CLIC4: variants seen among roughly 807,000 people sequenced by gnomAD.
The protein encoded by CLIC4 is chloride intracellular channel protein 4.
Under a neutral mutation model 24.6 loss-of-function variants are expected in CLIC4, and 13 were observed. That is an observed-to-expected ratio of 0.53 (90% CI 0.34 to 0.84). CLIC4 has a LOEUF of 0.84. Ranked by LOEUF, CLIC4 falls within the 40% of genes least tolerant of loss-of-function variation. CLIC4 has a pLI of 0.01. For missense variants in CLIC4, 227 were observed against 301.7 expected (o/e 0.75, Z 1.83); for synonymous variants, 104 against 111.3 (o/e 0.93, Z 0.41).
At chr1:24,819,986 C>G in intron 3 of CLIC4, among the ~76,000 whole-genome samples, 1 of 144,500 alleles carries the variant, frequency 6.9e-6, no homozygotes, top group Non-Finnish European at 1.5e-5. Context: ...TGTGACCTGC[C>G]CACCTCAGCC....
rs71032865 is a variant in CLIC4, at chr1:24,822,341, C to CTTTTTT, written c.309-4649_309-4644dup. The stretch of plus-strand genomic sequence containing the variant: ...GTTATTAAACTTAATTCAGTGAATT[C>CTTTTTT]TTTTTTTTTTTTTTTTTTTTTTTTT... On this transcript the variant is annotated intron_variant, in intron 3 of 5. Transcript: ENST00000374379. Among the ~76,000 whole-genome samples the CTTTTTT allele has an allele frequency of 1.2e-4, 9 of 75,480 alleles. 1 individual carries two copies. Among genetic ancestry groups the CTTTTTT allele is most frequent in the Admixed American group, 1.9e-4 (1 of 5,148 alleles). 49.5% of individuals were successfully genotyped at this position (75,480 alleles called of 152,430 possible).
At chr1:24,773,862 G>A (rs1639100609) in intron 1 of CLIC4, among the ~76,000 whole-genome samples, 1 of 151,998 alleles carries the variant, frequency 6.6e-6, no homozygotes, top group South Asian at 2.1e-4. Flanking sequence ...GCTTCCCAGA[G>A]TGTTGGGATT....
At chr1:24,783,724 T>C (rs1283573201) in intron 1 of CLIC4, among the ~76,000 whole-genome samples, 1 of 152,024 alleles carries the variant, frequency 6.6e-6, no homozygotes, top group Non-Finnish European at 1.5e-5. Context: ...AAAGAAAAAT[T>C]TGTAATTGTC....
Position 24,827,183 on chromosome 1 carries a change from G to C in CLIC4, c.415+67G>C, listed in dbSNP as rs571396153. On this transcript the variant is annotated intron_variant, in intron 4 of 5. Coordinates refer to ENST00000374379, the MANE Select transcript of CLIC4 (RefSeq NM_013943.3). ...CCAAACAACAACAGGCTGTTATTAT[G>C]ACAGTGATTATAAATGAGTACTTTA... is the stretch of plus-strand genomic sequence containing the variant. The C allele has an allele frequency of 5.2e-5, 50 of 965,810 alleles. No individual in the cohort carries two copies. In the African/African-American group the frequency reaches 7.0e-4, roughly 14 times the overall value. 59.8% of individuals were successfully genotyped at this position (965,810 alleles called of 1,614,324 possible).
chr1:24,747,363 A>G (rs553367330), intron 1 of CLIC4, among the ~76,000 whole-genome samples: 33 of 150,968 alleles, frequency 2.2e-4, no homozygotes, highest in Non-Finnish European at 4.6e-4. Flanking sequence ...GTGAAACCCC[A>G]TCTCTACTAA....
chr1:24,805,107 A>G (rs1054110939), intron 2 of CLIC4, among the ~76,000 whole-genome samples: 2 of 32,466 alleles, frequency 6.2e-5, no homozygotes, highest in African/African-American at 1.5e-4. Context: ...AAAAAAAAAC[A>G]CAAAAACAAA....
chr1:24,841,159 T>G lies in CLIC4; in HGVS notation c.*222T>G. The G allele has an allele frequency of 1.8e-4, 49 of 270,130 alleles. No homozygotes were observed. Among genetic ancestry groups the G allele is most frequent in the East Asian group, 4.4e-4 (7 of 15,994 alleles). The allele number at this position is 270,130 out of a possible 1,614,324, so 16.7% of individuals were successfully genotyped here. A position where few individuals can be genotyped will look rare whatever the true frequency, so the allele number is the denominator to read the frequency against. On this transcript the variant is annotated 3_prime_UTR_variant, in exon 6 of 6. Transcript: ENST00000374379. ...ACCCTGGCTACCTCCCCTACCCGGG[T>G]TCCCCTCTCTTTAATTTGGAGACAC...
intron 1 of CLIC4, among the ~76,000 whole-genome samples, chr1:24,747,678 G>A (rs1638719862): frequency 6.6e-6 from 1 of 152,096 alleles, no homozygotes; most frequent in South Asian, 2.1e-4. Flanking sequence ...CAAAAAAAGT[G>A]CATCCATGAA....
At chr1:24,767,743 T>A (rs536594819) in intron 1 of CLIC4, among the ~76,000 whole-genome samples, 8 of 149,700 alleles carry the variant, frequency 5.3e-5, no homozygotes, top group Admixed American at 5.3e-4. Context: ...CTCTTTTTTG[T>A]TAATGTGAAA....
intron 3 of CLIC4, among the ~76,000 whole-genome samples, chr1:24,823,984 A>G (rs1639762293): frequency 2.0e-5 from 3 of 152,174 alleles, no homozygotes; most frequent in Admixed American, 1.3e-4. Flanking sequence ...GCTCATGTCT[A>G]TTCTGTCATT....
At chr1:24,818,037 CAG>C (rs1639688477) in intron 3 of CLIC4, among the ~76,000 whole-genome samples, 3 of 152,280 alleles carry the variant, frequency 2.0e-5, no homozygotes, top group African/African-American at 7.2e-5. Flanking sequence ...TCACTAATCA[CAG>C]ATCATCATAA....
intron 1 of CLIC4, among the ~76,000 whole-genome samples, chr1:24,776,683 G>A (rs771671635): frequency 1.3e-5 from 2 of 152,158 alleles, no homozygotes; most frequent in South Asian, 4.1e-4. Context: ...GCTCATGCCT[G>A]TAATCCCAGC....
chr1:24,806,979 A>G (rs1639557158), intron 2 of CLIC4, among the ~76,000 whole-genome samples: 1 of 152,022 alleles, frequency 6.6e-6, no homozygotes, highest in Non-Finnish European at 1.5e-5. Context: ...CTGATACGCT[A>G]GTTTTCTCCC....
intron 1 of CLIC4, among the ~76,000 whole-genome samples, chr1:24,756,060 C>T (rs1190691871): frequency 7.1e-6 from 1 of 141,580 alleles, no homozygotes; most frequent in East Asian, 2.1e-4. Flanking sequence ...AGTGCAGTGA[C>T]GCGATCTCTG....
chr1:24,778,523 G>A lies in CLIC4; in HGVS notation c.73-19219G>A, dbSNP rs529593508. 3.3e-5 allele frequency among the ~76,000 whole-genome samples: 5 copies of A among 152,004 alleles called. No individual in the cohort carries two copies. In the South Asian group the frequency reaches 1.0e-3, roughly 32 times the overall value. On this transcript the variant is annotated intron_variant, in intron 1 of 5. Coordinates refer to ENST00000374379, the MANE Select transcript of CLIC4 (RefSeq NM_013943.3). ...CTAGGAAAAAAGGACTGTAGCTTTC[G>A]TCCTTTTTTTTCTTTCTTTCATTTG...
intron 1 of CLIC4, among the ~76,000 whole-genome samples, chr1:24,786,826 G>C (rs1219672591): frequency 6.6e-6 from 1 of 151,898 alleles, no homozygotes; most frequent in Non-Finnish European, 1.5e-5. Context: ...CACCATGTTA[G>C]CCAGGATGGT....
intron 1 of CLIC4, among the ~76,000 whole-genome samples, chr1:24,796,466 C>T (rs908892509): frequency 1.3e-5 from 2 of 152,006 alleles, no homozygotes; most frequent in Non-Finnish European, 2.9e-5. Context: ...GGATTACAGG[C>T]GTGAGCCACT....
chr1:24,815,011 A>G (rs1323601323), intron 3 of CLIC4, among the ~76,000 whole-genome samples: 1 of 152,102 alleles, frequency 6.6e-6, no homozygotes, highest in Non-Finnish European at 1.5e-5. Flanking sequence ...CCTGAAGGGT[A>G]TGGTTCCAGA....
At chr1:24,759,471 C>CT (rs932807955) in intron 1 of CLIC4, among the ~76,000 whole-genome samples, 122 of 142,968 alleles carry the variant, frequency 8.5e-4, no homozygotes, top group African/African-American at 9.5e-4. Flanking sequence ...CAATACGTGA[C>CT]TTTTTTTTTT....
Sources: gnomAD v4.1 joint callset for allele counts (sites outside exome capture counted in the v4.1 genomes callset) on GRCh38, gnomAD v4.1.1 for gene constraint, MANE v1.5 for transcripts, NCBI Gene and HGNC (gene_info 2026-07-23, HGNC 2026-07-21) for gene names.